The following SUCLG2 variants were observed in gnomAD, a reference collection of about 807,000 sequenced individuals.
SUCLG2 encodes the protein succinate--CoA ligase [GDP-forming] subunit beta, mitochondrial.
In SUCLG2, 42 loss-of-function variants were observed where a neutral mutation model predicts 47.9. The observed-to-expected ratio is 0.88, with a 90% CI of 0.69 to 1.14. The LOEUF is 1.14. SUCLG2 is among the 50% of genes most tolerant of loss of function. The pLI is 0.00. For synonymous variants in SUCLG2, 195 were observed against 197.3 expected (o/e 0.99, Z 0.10); for missense variants, 571 against 525.9 (o/e 1.09, Z -0.84).
intron 10 of SUCLG2, among the ~76,000 whole-genome samples, chr3:67,380,040 A>G (rs1702118971): frequency 6.6e-6 from 1 of 152,190 alleles, no homozygotes; most frequent in Non-Finnish European, 1.5e-5. Context: ...TCCCACATAC[A>G]AAGTGTGCTT....
intron 9 of SUCLG2, among the ~76,000 whole-genome samples, chr3:67,427,777 T>C (rs1703346105): frequency 6.6e-6 from 1 of 152,138 alleles, no homozygotes. Context: ...ATAATGCGCT[T>C]TTCCAACAGT....
At chr3:67,440,786 T>C (rs1184859621) in intron 9 of SUCLG2, among the ~76,000 whole-genome samples, 1 of 152,216 alleles carries the variant, frequency 6.6e-6, no homozygotes, top group Non-Finnish European at 1.5e-5. Context: ...GGTAGGAGTG[T>C]AAATTAGTTC....
intron 9 of SUCLG2, among the ~76,000 whole-genome samples, chr3:67,471,922 C>T (rs774772695): frequency 3.3e-5 from 5 of 152,136 alleles, no homozygotes; most frequent in Non-Finnish European, 5.9e-5. Context: ...CCTCCAGAGG[C>T]CACAATGTGA....
At position 67,409,009 on chromosome 3, in the gene SUCLG2, G is replaced by A. The variant is rs749876089; in HGVS notation, c.1063-8158C>T. ...CTGAGTCCTGTATTCTGGTGCCCAA[G>A]TATTTCTTGCTTTCAAATTTTGCTG... On this transcript the variant is annotated intron_variant, in intron 9 of 10. Transcript: ENST00000307227. 3.9e-6 allele frequency: 6 copies of A among 1,535,358 alleles called. No homozygotes were observed. In the South Asian group the frequency reaches 4.8e-5, roughly 12 times the overall value.
At position 67,508,890 on chromosome 3, in the gene SUCLG2, A is replaced by G. The variant is rs768287809; in HGVS notation, c.674T>C (p.Ile225Thr). The G allele has an allele frequency of 1.9e-6, 3 of 1,610,396 alleles. No homozygotes were observed. Among genetic ancestry groups the G allele is most frequent in the Non-Finnish European group, 2.5e-6 (3 of 1,178,684 alleles). Residue 225 changes from isoleucine to threonine, a missense_variant, in exon 7 of 11, where the codon ATT becomes ACT. Transcript: ENST00000307227. Reference sequence around the variant, plus strand: ...CAGGAAGAGATTATACAGCTTCGTAATTTGATCTGCAGCCTAAATGTGATC... The same window carrying G: ...CAGGAAGAGATTATACAGCTTCGTAGTTTGATCTGCAGCCTAAATGTGATC... ...GPLKSQAADQITKLYNLFLKI... is the reference protein window; with the variant it reads ...GPLKSQAADQTTKLYNLFLKI...
At chr3:67,629,250 A>G (rs561082926) in intron 1 of SUCLG2, among the ~76,000 whole-genome samples, 1 of 152,142 alleles carries the variant, frequency 6.6e-6, no homozygotes, top group Non-Finnish European at 1.5e-5. Context: ...CAATTCTCAC[A>G]CTAACTCCCA....
chr3:67,515,742 T>C lies in SUCLG2; in HGVS notation c.660+2505A>G, dbSNP rs190036347. On this transcript the variant is annotated intron_variant, in intron 6 of 10. Coordinates refer to ENST00000307227, the MANE Select transcript of SUCLG2 (RefSeq NM_003848.4). The stretch of plus-strand genomic sequence containing the variant: ...CTTCTACACTGTCCCATCTGCTCAT[T>C]GTACACTGGCCCTCTAGAGCATTTC... Among the ~76,000 whole-genome samples the C allele has an allele frequency of 3.6e-4, 55 of 152,288 alleles. 3 individuals carry two copies. The East Asian group carries it at 9.1e-3, about 25-fold the overall frequency.
intron 6 of SUCLG2, 21 bp from the exon 7 acceptor site, chr3:67,508,924 T>C (rs375341814): frequency 2.1e-5 from 33 of 1,551,746 alleles, no homozygotes; most frequent in South Asian, 9.7e-5. Flanking sequence ...TCAAGTGAAA[T>C]AGAATTACAC....
At chr3:67,408,252 C>T (rs1469933227) in intron 9 of SUCLG2, among the ~76,000 whole-genome samples, 1 of 152,070 alleles carries the variant, frequency 6.6e-6, no homozygotes, top group African/African-American at 2.4e-5. Context: ...AACTCATGTA[C>T]CTCCAAAATA....
chr3:67,412,055 A>C (rs1035687483), intron 9 of SUCLG2, among the ~76,000 whole-genome samples: 2 of 152,196 alleles, frequency 1.3e-5, no homozygotes, highest in East Asian at 1.9e-4. Context: ...TCACCAAAAA[A>C]ACATTCTCAG....
chr3:67,381,195 TAAATAAATAAAATA>T (rs1341803017), intron 10 of SUCLG2, among the ~76,000 whole-genome samples: 6 of 97,366 alleles, frequency 6.2e-5, no homozygotes, highest in East Asian at 2.6e-4. Flanking sequence ...AATAAATAAA[TAAATAAATAAAATA>T]AAATAAAATA....
chr3:67,511,324 T>C (rs575286641), intron 6 of SUCLG2, among the ~76,000 whole-genome samples: 1 of 152,340 alleles, frequency 6.6e-6, no homozygotes, highest in South Asian at 2.1e-4. Context: ...GGTATCTCAC[T>C]GGTATGGTTG....
chr3:67,440,723 A>G (rs540816450), intron 9 of SUCLG2, among the ~76,000 whole-genome samples: 26 of 152,340 alleles, frequency 1.7e-4, no homozygotes, highest in African/African-American at 6.0e-4. Context: ...AAAAGTCAGG[A>G]AACAACAGAT....
At chr3:67,385,140 G>T (rs538137340) in intron 10 of SUCLG2, among the ~76,000 whole-genome samples, 60 of 152,334 alleles carry the variant, frequency 3.9e-4, no homozygotes, top group African/African-American at 1.4e-3. Flanking sequence ...GAACTGACTA[G>T]TCACTCAGAA....
chr3:67,396,226 A>T lies in SUCLG2; in HGVS notation c.1183+4505T>A, dbSNP rs567783666. 2.0e-4 allele frequency among the ~76,000 whole-genome samples: 31 copies of T among 152,210 alleles called. No homozygotes were observed. In the South Asian group the frequency reaches 6.2e-3, roughly 31 times the overall value. ...AAAAACCCTTCAAAAAATGAATGAAACCAGGAGCTGGTTTTTTGAAAGGAT... is the reference window on the plus strand; with the variant it reads ...AAAAACCCTTCAAAAAATGAATGAATCCAGGAGCTGGTTTTTTGAAAGGAT... On this transcript the variant is annotated intron_variant, in intron 10 of 10. Coordinates refer to ENST00000307227, the MANE Select transcript of SUCLG2 (RefSeq NM_003848.4).
intron 9 of SUCLG2, among the ~76,000 whole-genome samples, chr3:67,413,242 C>T (rs1377739001): frequency 4.6e-5 from 7 of 152,118 alleles, no homozygotes; most frequent in African/African-American, 7.2e-5. Context: ...CAGGTGAAAA[C>T]GAGCTTCTCA....
chr3:67,472,008 T>C (rs1364604347), intron 9 of SUCLG2, among the ~76,000 whole-genome samples: 3 of 152,194 alleles, frequency 2.0e-5, no homozygotes, highest in African/African-American at 7.2e-5. Flanking sequence ...TTAAGACAAT[T>C]ATTTTCATAA....
chr3:67,502,826 C>T (rs1158573961), intron 7 of SUCLG2, among the ~76,000 whole-genome samples: 1 of 152,124 alleles, frequency 6.6e-6, no homozygotes, highest in Non-Finnish European at 1.5e-5. Flanking sequence ...TAAGAATTTT[C>T]CCAAAGGAAG....
chr3:67,383,077 T>C (rs1445647698), intron 10 of SUCLG2, among the ~76,000 whole-genome samples: 3 of 152,246 alleles, frequency 2.0e-5, no homozygotes, highest in Non-Finnish European at 1.5e-5. Context: ...ACTTCTGCTA[T>C]GTCAGCAGCT....
Sources: gnomAD v4.1 joint callset for allele counts (sites outside exome capture counted in the v4.1 genomes callset) on GRCh38, gnomAD v4.1.1 for gene constraint, MANE v1.5 for transcripts, NCBI Gene and HGNC (gene_info 2026-07-23, HGNC 2026-07-21) for gene names.